The following PCDH7 variants were observed in gnomAD, a reference collection of about 807,000 sequenced individuals.
The protein encoded by PCDH7 is protocadherin-7.
Under a neutral mutation model 58.9 loss-of-function variants are expected in PCDH7, and 17 were observed. That is an observed-to-expected ratio of 0.29 (90% CI 0.20 to 0.43). The LOEUF (loss-of-function observed/expected upper bound fraction) is 0.43, where lower values mean the gene tolerates loss of function less well. Among genes scored for constraint, PCDH7 ranks in the 20% least tolerant of loss-of-function variants. The pLI is 1.00. For synonymous variants in PCDH7, 664 were observed against 616.4 expected (o/e 1.08, Z -1.14); for missense variants, 1,274 against 1,441.0 (o/e 0.88, Z 1.88).
chr4:31,138,567 C>G (rs1019956414), intron 3 of PCDH7, among the ~76,000 whole-genome samples: 15 of 152,182 alleles, frequency 9.9e-5, no homozygotes, highest in East Asian at 5.8e-4. Context: ...TCAGCTCTCC[C>G]GTAGCTTGGA....
intron 2 of PCDH7, among the ~76,000 whole-genome samples, chr4:30,933,520 C>T (rs1326696081): frequency 6.6e-6 from 1 of 152,116 alleles, no homozygotes; most frequent in Non-Finnish European, 1.5e-5. Context: ...TCTTTAGGGT[C>T]ATCTATTAAG....
At chr4:30,802,185 G>C (rs1183940038) in intron 1 of PCDH7, among the ~76,000 whole-genome samples, 1 of 152,278 alleles carries the variant, frequency 6.6e-6, no homozygotes, top group South Asian at 2.1e-4. Flanking sequence ...GTAAGTGAAT[G>C]AATTCATATC....
intron 2 of PCDH7, among the ~76,000 whole-genome samples, chr4:30,941,456 G>T (rs1746032035): frequency 6.6e-6 from 1 of 151,878 alleles, no homozygotes; most frequent in Non-Finnish European, 1.5e-5. Flanking sequence ...TCCCAATTTT[G>T]AGTAGATTAT....
chr4:30,748,438 G>C (rs1718059063), intron 1 of PCDH7, among the ~76,000 whole-genome samples: 1 of 152,202 alleles, frequency 6.6e-6, no homozygotes, highest in African/African-American at 2.4e-5. Flanking sequence ...CATTTAGAGA[G>C]AGTCCTCTCA....
intron 1 of PCDH7, among the ~76,000 whole-genome samples, chr4:30,835,228 GC>G (rs1310585461): frequency 6.6e-6 from 1 of 152,054 alleles, no homozygotes; most frequent in Non-Finnish European, 1.5e-5. Flanking sequence ...CAACCCCCGG[GC>G]CACGAACCGG....
chr4:30,987,648 T>C (rs1751094848), intron 3 of PCDH7: 1 of 152,030 alleles, frequency 6.6e-6, no homozygotes, highest in Non-Finnish European at 1.5e-5. Flanking sequence ...TGAGAACTTA[T>C]CTCCAAAAAA....
intron 1 of PCDH7, among the ~76,000 whole-genome samples, chr4:30,835,388 G>T (rs1252597611): frequency 6.6e-6 from 1 of 152,176 alleles, no homozygotes; most frequent in East Asian, 1.9e-4. Flanking sequence ...AACTGCTCAT[G>T]TGAAGGATCT....
chr4:30,848,164 C>A (rs1359971976), intron 1 of PCDH7, among the ~76,000 whole-genome samples: 2 of 152,080 alleles, frequency 1.3e-5, no homozygotes, highest in African/African-American at 4.8e-5. Flanking sequence ...GGACTAACTT[C>A]TTTCTGAAAT....
At chr4:30,802,195 C>T (rs1725611066) in intron 1 of PCDH7, among the ~76,000 whole-genome samples, 1 of 152,140 alleles carries the variant, frequency 6.6e-6, no homozygotes, top group Non-Finnish European at 1.5e-5. Context: ...GAATTCATAT[C>T]AAAGCCAAAC....
chr4:31,142,955 G>A, downstream of PCDH7: 1 of 849,360 alleles, frequency 1.2e-6, no homozygotes, highest in Non-Finnish European at 1.6e-6. Context: ...GGCTACCAAA[G>A]AGACAAAGCT....
intron 3 of PCDH7, among the ~76,000 whole-genome samples, chr4:31,132,784 C>T (rs1361886276): frequency 6.6e-6 from 1 of 152,066 alleles, no homozygotes; most frequent in Admixed American, 6.6e-5. Flanking sequence ...CTTCTTATGA[C>T]AAATAAACAA....
At chr4:30,812,985 A>C (rs550142361) in intron 1 of PCDH7, among the ~76,000 whole-genome samples, 2 of 152,198 alleles carry the variant, frequency 1.3e-5, no homozygotes, top group Non-Finnish European at 2.9e-5. Flanking sequence ...TTGTTAACAC[A>C]TCTAGGGAGA....
rs60085619 is a variant in PCDH7, at chr4:30,968,376, CTATATA to C, written c.*7+18195_*7+18200del. Reference sequence around the variant, plus strand: ...TACACACACTATATATATACACACACTATATATATATATATATATATATATATATAT... The same window carrying C: ...TACACACACTATATATATACACACACTATATATATATATATATATATATAT... On this transcript the variant is annotated intron_variant, in intron 3 of 3. Transcript: ENST00000509759. 4.5e-3 allele frequency among the ~76,000 whole-genome samples: 303 copies of C among 67,046 alleles called. 3 individuals are homozygous for C. The highest frequency in any genetic ancestry group is 7.8e-3 in the East Asian group (16 of 2,062). The allele number at this position is 67,046 out of a possible 152,430, so 44.0% of individuals were successfully genotyped here. A position where few individuals can be genotyped will look rare whatever the true frequency, so the allele number is the denominator to read the frequency against.
chr4:30,772,826 T>G (rs1425541029), intron 1 of PCDH7, among the ~76,000 whole-genome samples: 1 of 152,222 alleles, frequency 6.6e-6, no homozygotes, highest in Non-Finnish European at 1.5e-5. Flanking sequence ...AGAAAGTGTT[T>G]TTACATGTAT....
chr4:31,026,487 G>A (rs1754443731), intron 3 of PCDH7, among the ~76,000 whole-genome samples: 1 of 152,186 alleles, frequency 6.6e-6, no homozygotes, highest in Admixed American at 6.5e-5. Flanking sequence ...TTATGGAGCT[G>A]ACAGATGCTA....
intron 1 of PCDH7, among the ~76,000 whole-genome samples, chr4:30,899,283 G>GC (rs1273155321): frequency 6.6e-6 from 1 of 152,134 alleles, no homozygotes; most frequent in East Asian, 1.9e-4. Flanking sequence ...TGAATGAGAG[G>GC]CCCGTAAGGT....
In PCDH7 at chr4:30,904,695, T is replaced by G. The variant is rs184392471; in HGVS notation, c.71-15458T>G. On this transcript the variant is annotated intron_variant, in intron 1 of 3. Coordinates refer to the PCDH7 transcript ENST00000509759. ...ATAAAAATTAACATATGCTCGGCGT[T>G]GAATATATTTTTCCTTATGGTCACT... Among the ~76,000 whole-genome samples, 958 of 152,312 alleles carry G rather than the reference T, an allele frequency of 6.3e-3. 33 individuals are homozygous for G. The highest frequency in any genetic ancestry group is 0.047 in the Admixed American group (718 of 15,284).
chr4:30,829,345 GT>G (rs930637300), intron 1 of PCDH7, among the ~76,000 whole-genome samples: 2 of 152,030 alleles, frequency 1.3e-5, no homozygotes, highest in Non-Finnish European at 2.9e-5. Context: ...AAAATTGTTT[GT>G]TTAATTTCCT....
rs146071713 is a variant in PCDH7, at chr4:31,027,037, A to G, written c.*7+76822A>G. Among the ~76,000 whole-genome samples the G allele has an allele frequency of 1.4e-3, 210 of 152,350 alleles. 1 individual carries two copies. Among genetic ancestry groups the G allele is most frequent in the African/African-American group, 4.8e-3 (199 of 41,582 alleles). On this transcript the variant is annotated intron_variant, in intron 3 of 3. Transcript: ENST00000509759. Reference sequence around the variant, plus strand: ...AAAAAACTAATCTAATGCAATTATAACACTAGAATCCTCTGCTGAAGTCCC... The same window carrying G: ...AAAAAACTAATCTAATGCAATTATAGCACTAGAATCCTCTGCTGAAGTCCC...
Sources: allele counts gnomAD v4.1 joint callset (sites outside exome capture counted in the v4.1 genomes callset), GRCh38; gene constraint gnomAD v4.1.1; transcripts MANE v1.5; gene names NCBI Gene and HGNC (gene_info 2026-07-23, HGNC 2026-07-21).